The following CABLES1 variants were observed in gnomAD, a reference collection of about 807,000 sequenced individuals.
CABLES1 encodes the protein CDK5 and ABL1 enzyme substrate 1.
CABLES1 carries 36 observed loss-of-function variants against 57.8 expected under a neutral mutation model. The observed-to-expected ratio is 0.62, with a 90% CI of 0.48 to 0.82. The LOEUF (loss-of-function observed/expected upper bound fraction) is 0.82. Ranked by LOEUF, CABLES1 falls within the 40% of genes least tolerant of loss-of-function variation. CABLES1 has a pLI of 0.00. For missense variants in CABLES1, 767 were observed against 836.6 expected, an observed-to-expected ratio of 0.92 and a Z score of 1.03; for synonymous variants, 374 against 363.0, an observed-to-expected ratio of 1.03 and a Z score of -0.35.
chr18:23,230,292 A>T (rs1272788526), intron 4 of CABLES1, among the ~76,000 whole-genome samples: 1 of 152,210 alleles, frequency 6.6e-6, no homozygotes, highest in East Asian at 1.9e-4. Flanking sequence ...GAATGGCATG[A>T]ACCCAGGAGG....
At chr18:23,220,739 G>A (rs2047481043) in intron 4 of CABLES1, among the ~76,000 whole-genome samples, 1 of 152,210 alleles carries the variant, frequency 6.6e-6, no homozygotes, top group East Asian at 1.9e-4. Context: ...GAGCTGATGG[G>A]TTGTAGCTTT....
At position 23,136,587 on chromosome 18, in the gene CABLES1, C is replaced by G. The variant is rs761579105; in HGVS notation, c.825C>G (p.Phe275Leu). The G allele has an allele frequency of 1.3e-6, 2 of 1,489,512 alleles. No individual in the cohort carries two copies. Among genetic ancestry groups the G allele is most frequent in the Non-Finnish European group, 1.8e-6 (2 of 1,123,954 alleles). The allele number at this position is 1,489,512 out of a possible 1,614,324, so 92.3% of individuals were successfully genotyped here. A position where few individuals can be genotyped will look rare whatever the true frequency, so the allele number is the denominator to read the frequency against. Residue 275 changes from phenylalanine (F) to leucine (L), a missense_variant, in exon 1 of 10, where the codon TTC (phenylalanine) becomes TTG (leucine). This residue lies in a region of CABLES1 where 529 missense variants were observed against 622.8 expected (regional missense o/e 0.85). Coordinates refer to ENST00000256925, the MANE Select transcript of CABLES1 (RefSeq NM_001100619.3). ...QPGQGGSTSA[F>L]EQLQRSRRRL... is the part of the protein sequence containing the mutation. ...GCCAGGGCGGCAGCACCAGCGCCTT[C>G]GAGCAGCTGCAGAGGTCCCGGTGAG...
At chr18:23,162,165 C>CA (rs540759219) in intron 1 of CABLES1, among the ~76,000 whole-genome samples, 4,689 of 84,190 alleles carry the variant, frequency 0.056, 155 homozygotes, top group African/African-American at 0.14. Flanking sequence ...AACCCTGTCT[C>CA]AAAAAAAAAA....
At chr18:23,177,328 G>C (rs2047130933) in intron 1 of CABLES1, among the ~76,000 whole-genome samples, 1 of 151,016 alleles carries the variant, frequency 6.6e-6, no homozygotes, top group South Asian at 2.1e-4. Flanking sequence ...CCACACACTT[G>C]CTCACCCATG....
chr18:23,204,952 G>A (rs954497803), intron 3 of CABLES1, among the ~76,000 whole-genome samples: 6 of 152,212 alleles, frequency 3.9e-5, no homozygotes, highest in African/African-American at 1.4e-4. Context: ...TTTGGGTGGG[G>A]ACACAGCCAA....
chr18:23,186,008 C>T lies in CABLES1; in HGVS notation c.846-2830C>T, dbSNP rs563751746. On this transcript the variant is annotated intron_variant, in intron 1 of 9. Transcript: ENST00000256925. ...GGCCACTAATTTTATAGGTGGCCAG[C>T]ACATCAGTGAGTATGACTTGTGCTT... is the stretch of plus-strand genomic sequence containing the variant. Among the ~76,000 whole-genome samples the T allele has an allele frequency of 2.1e-4, 32 of 152,342 alleles. 1 individual carries two copies. The South Asian group carries it at 3.7e-3, about 18-fold the overall frequency.
At chr18:23,189,629 A>G (rs939468943) in intron 2 of CABLES1, among the ~76,000 whole-genome samples, 3 of 152,212 alleles carry the variant, frequency 2.0e-5, no homozygotes, top group African/African-American at 7.2e-5. Flanking sequence ...CGGGGACTGC[A>G]GGGCAGGCGG....
intron 7 of CABLES1, among the ~76,000 whole-genome samples, chr18:23,244,222 G>A (rs2047818054): frequency 6.6e-6 from 1 of 152,222 alleles, no homozygotes; most frequent in South Asian, 2.1e-4. Context: ...TACTCCAGGA[G>A]TCCTGTAGCA....
At chr18:23,222,670 G>A (rs2047497815) in intron 4 of CABLES1, among the ~76,000 whole-genome samples, 1 of 152,048 alleles carries the variant, frequency 6.6e-6, no homozygotes, top group Non-Finnish European at 1.5e-5. Context: ...CAGCCGGACT[G>A]CTTCAGCAGA....
intron 1 of CABLES1, among the ~76,000 whole-genome samples, chr18:23,152,588 G>A (rs1022231564): frequency 1.3e-5 from 2 of 150,750 alleles, no homozygotes; most frequent in Non-Finnish European, 2.9e-5. Flanking sequence ...GGGTTCAGGC[G>A]ATTCTTATGC....
At chr18:23,175,381 G>A (rs949751525) in intron 1 of CABLES1, among the ~76,000 whole-genome samples, 4 of 152,194 alleles carry the variant, frequency 2.6e-5, no homozygotes, top group Admixed American at 1.3e-4. Context: ...TTATTTCTAA[G>A]GTCCTGGCTT....
intron 3 of CABLES1, among the ~76,000 whole-genome samples, chr18:23,211,085 C>T (rs537766680): frequency 6.6e-5 from 10 of 151,838 alleles, no homozygotes; most frequent in East Asian, 5.8e-4. Context: ...CCAGAGTGAG[C>T]GCTCACTTAA....
At chr18:23,247,442 G>T (rs1411824131) in intron 7 of CABLES1, among the ~76,000 whole-genome samples, 1 of 152,244 alleles carries the variant, frequency 6.6e-6, no homozygotes, top group African/African-American at 2.4e-5. Flanking sequence ...TATGTGCTGG[G>T]CCCCTTCCAA....
chr18:23,150,207 G>GTTTTTTGTTTTTTGTTT (rs1555658964), intron 1 of CABLES1, among the ~76,000 whole-genome samples: 1 of 106,676 alleles, frequency 9.4e-6, no homozygotes, highest in African/African-American at 4.1e-5. Flanking sequence ...GTTGGTGTTT[G>GTTTTTTGTTTTTTGTTT]TTTTTTTTTT....
intron 1 of CABLES1, among the ~76,000 whole-genome samples, chr18:23,139,753 A>G (rs1453175868): frequency 6.6e-6 from 1 of 152,174 alleles, no homozygotes; most frequent in East Asian, 1.9e-4. Flanking sequence ...AGAGGCACAT[A>G]TGATAATCTA....
At chr18:23,179,551 G>C (rs2047149199) in intron 1 of CABLES1, among the ~76,000 whole-genome samples, 1 of 152,212 alleles carries the variant, frequency 6.6e-6, no homozygotes, top group South Asian at 2.1e-4. Context: ...CAGGCTGACT[G>C]GTCAAGACCA....
intron 3 of CABLES1, among the ~76,000 whole-genome samples, chr18:23,200,397 C>T (rs1030339092): frequency 2.0e-5 from 3 of 151,990 alleles, no homozygotes; most frequent in Admixed American, 1.3e-4. Flanking sequence ...GTAGCTGGGA[C>T]TACAGGCACC....
intron 7 of CABLES1, among the ~76,000 whole-genome samples, chr18:23,244,174 G>A (rs2047816465): frequency 6.6e-6 from 1 of 152,186 alleles, no homozygotes; most frequent in Non-Finnish European, 1.5e-5. Flanking sequence ...TGATCTCAGG[G>A]CCAGTCACCT....
intron 1 of CABLES1, among the ~76,000 whole-genome samples, chr18:23,149,391 C>T (rs1056620005): frequency 6.6e-6 from 1 of 152,146 alleles, no homozygotes; most frequent in African/African-American, 2.4e-5. Flanking sequence ...GAGCCACCTT[C>T]CCACCTCAGC....
Sources: gnomAD v4.1 joint callset for allele counts (sites outside exome capture counted in the v4.1 genomes callset) on GRCh38, gnomAD v4.1.1 for gene constraint, gnomAD v4.1.1 regional missense constraint, MANE v1.5 for transcripts, NCBI Gene and HGNC (gene_info 2026-07-23, HGNC 2026-07-21) for gene names.